Variants in NPSR1 observed in about 807,000 individuals in gnomAD.
The protein encoded by NPSR1 is neuropeptide S receptor 1, also known as neuropeptide S receptor.
A neutral mutation model predicts 46.9 loss-of-function variants in NPSR1; 48 were observed. The observed-to-expected ratio is 1.02, with a 90% CI of 0.81 to 1.30. NPSR1 has a LOEUF of 1.30. Ranked by LOEUF, NPSR1 falls within the 50% of genes most tolerant of loss-of-function variation. The pLI is 0.00. For synonymous variants in NPSR1, 176 were observed against 168.1 expected, an observed-to-expected ratio of 1.05 and a Z score of -0.36; for missense variants, 450 against 449.5, an observed-to-expected ratio of 1.00 and a Z score of -0.01.
At chr7:34,746,536 C>T (rs1785210487) in intron 2 of NPSR1, among the ~76,000 whole-genome samples, 1 of 152,144 alleles carries the variant, frequency 6.6e-6, no homozygotes, top group Admixed American at 6.5e-5. Flanking sequence ...AAACATATCC[C>T]TCACAGATAA....
rs1242091145 is a variant in NPSR1 at position 34,698,526 on chromosome 7, C to A, written c.280+13842C>A. 2.0e-5 allele frequency among the ~76,000 whole-genome samples: 3 copies of A among 152,146 alleles called. No homozygotes were observed. In the East Asian group the frequency reaches 5.8e-4, roughly 29 times the overall value. ...AAATCAATTTTTGTCAAACACTGTG[C>A]TGATCAAACAAATCACACATGCAGG... On this transcript the variant is annotated intron_variant, in intron 2 of 8. Transcript: ENST00000360581.
At chr7:34,799,438 A>G (rs1788362981) in intron 3 of NPSR1, among the ~76,000 whole-genome samples, 1 of 151,998 alleles carries the variant, frequency 6.6e-6, no homozygotes, top group African/African-American at 2.4e-5. Flanking sequence ...ACAATTTTCA[A>G]CCCAGAATTT....
chr7:34,871,579 C>G (rs1364026757), intron 8 of NPSR1: 2 of 151,788 alleles, frequency 1.3e-5, no homozygotes, highest in Non-Finnish European at 2.9e-5. Context: ...CTTCCACCAT[C>G]AGCCTGTAAA....
At chr7:34,722,387 T>C (rs1231432240) in intron 2 of NPSR1, among the ~76,000 whole-genome samples, 1 of 152,220 alleles carries the variant, frequency 6.6e-6, no homozygotes, top group African/African-American at 2.4e-5. Context: ...AATATGTCTA[T>C]ATGTGTATAA....
At chr7:34,870,043 G>T (rs1446240044) in intron 8 of NPSR1, among the ~76,000 whole-genome samples, 1 of 151,810 alleles carries the variant, frequency 6.6e-6, no homozygotes, top group African/African-American at 2.4e-5. Context: ...AGTCCAGGCT[G>T]CTCTCTGTGC....
chr7:34,873,819 C>T (rs542548643), intron 8 of NPSR1, among the ~76,000 whole-genome samples: 1 of 151,606 alleles, frequency 6.6e-6, no homozygotes, highest in Non-Finnish European at 1.5e-5. Context: ...AAGCCAGGAA[C>T]AGGCTTCAGA....
chr7:34,847,613 G>A (rs917195572), intron 7 of NPSR1, among the ~76,000 whole-genome samples: 1 of 152,152 alleles, frequency 6.6e-6, no homozygotes, highest in Non-Finnish European at 1.5e-5. Context: ...GAAGACCAAC[G>A]TCCTAGCTCG....
intron 3 of NPSR1, among the ~76,000 whole-genome samples, chr7:34,797,950 A>C (rs908446787): frequency 1.3e-5 from 2 of 152,188 alleles, no homozygotes; most frequent in Non-Finnish European, 2.9e-5. Flanking sequence ...AAAAGTGAAG[A>C]AGAAATAAAG....
chr7:34,752,145 CT>C, intron 2 of NPSR1: 1 of 455,022 alleles, frequency 2.2e-6, no homozygotes, highest in South Asian at 2.2e-5. Context: ...GCTTATATAC[CT>C]TCCAAACTAT....
At chr7:34,685,572 G>A (rs17776082) in intron 2 of NPSR1, among the ~76,000 whole-genome samples, 33,957 of 152,054 alleles carry the variant, frequency 0.22, 4,051 homozygotes, top group South Asian at 0.33. Flanking sequence ...CTTTCAGAAA[G>A]GGCTATTTGG....
intron 2 of NPSR1, among the ~76,000 whole-genome samples, chr7:34,732,619 G>A (rs982681157): frequency 6.6e-6 from 1 of 152,118 alleles, no homozygotes; most frequent in Non-Finnish European, 1.5e-5. Flanking sequence ...GAATTTCCAC[G>A]GTTGCTTTTG....
chr7:34,763,674 T>C (rs1368884652), intron 2 of NPSR1, among the ~76,000 whole-genome samples: 1 of 152,114 alleles, frequency 6.6e-6, no homozygotes, highest in Non-Finnish European at 1.5e-5. Context: ...ATTCTTCAGG[T>C]AGAGGTGTAT....
intron 2 of NPSR1, chr7:34,750,155 C>A (rs1369324231): frequency 1.8e-4 from 47 of 263,528 alleles, no homozygotes; most frequent in South Asian, 3.3e-4. Context: ...AAAAAGGAGA[C>A]AGGCAAATAT....
intron 2 of NPSR1, among the ~76,000 whole-genome samples, chr7:34,715,694 A>C (rs1783527975): frequency 6.6e-6 from 1 of 152,182 alleles, no homozygotes. Context: ...CTGAATACAA[A>C]ATAGCTGTAT....
At position 34,669,525 on chromosome 7, in the gene NPSR1, C is replaced by T. The variant is rs370312471; in HGVS notation, c.147+10966C>T. Among the ~76,000 whole-genome samples, 863 of 150,852 alleles carry T rather than the reference C, an allele frequency of 5.7e-3. 2 individuals are homozygous for T. The highest frequency in any genetic ancestry group is 0.017 in the Middle Eastern group (5 of 292). ...CAGAGGATGCAGTGAGCCAAGATCA[C>T]ACCATTACACTCCAGCCTGGGCGAC... On this transcript the variant is annotated intron_variant, in intron 1 of 8. Transcript: ENST00000360581.
rs540813857 is a variant in NPSR1, at chr7:34,857,920, C to T, written c.1025+9257C>T. Among the ~76,000 whole-genome samples, 121 of 151,178 alleles carry T rather than the reference C, an allele frequency of 8.0e-4. 4 individuals carry two copies. The highest frequency in any genetic ancestry group is 2.8e-3 in the African/African-American group (116 of 40,844). ...AATTAACTTCAGAAAAGAAGTTATCCAAATGGACAAAAAACTATGAAAAGG... is the reference window on the plus strand; with the variant it reads ...AATTAACTTCAGAAAAGAAGTTATCTAAATGGACAAAAAACTATGAAAAGG... On this transcript the variant is annotated intron_variant, in intron 8 of 8. Coordinates refer to the NPSR1 transcript ENST00000359791.
At chr7:34,770,277 T>C (rs35792009) in intron 2 of NPSR1, among the ~76,000 whole-genome samples, 70 of 152,338 alleles carry the variant, frequency 4.6e-4, no homozygotes, top group African/African-American at 1.6e-3. Context: ...AAAATCTTCA[T>C]GACATTCCTA....
chr7:34,681,538 G>A lies in NPSR1; in HGVS notation c.148-3014G>A, dbSNP rs145761593. Among the ~76,000 whole-genome samples, 444 of 152,278 alleles carry A rather than the reference G, an allele frequency of 2.9e-3. 3 individuals carry two copies. Among genetic ancestry groups the A allele is most frequent in the African/African-American group, 0.011 (441 of 41,546 alleles). ...ACAGCAGCAGCGGAAGAGATAGATA[G>A]CACCTCTTTTCCAGCTGGATAGTGT... is the stretch of plus-strand genomic sequence containing the variant. On this transcript the variant is annotated intron_variant, in intron 1 of 8. Coordinates refer to ENST00000360581, the MANE Select transcript of NPSR1 (RefSeq NM_207172.2).
At chr7:34,821,127 C>CTTTT (rs35086136) in intron 4 of NPSR1, among the ~76,000 whole-genome samples, 5 of 94,890 alleles carry the variant, frequency 5.3e-5, no homozygotes, top group Admixed American at 1.1e-4. Flanking sequence ...TTGTGATACA[C>CTTTT]TTTTTTTTTT....
Sources: gnomAD v4.1 joint callset for allele counts (sites outside exome capture counted in the v4.1 genomes callset) on GRCh38, gnomAD v4.1.1 for gene constraint, MANE v1.5 for transcripts, NCBI Gene and HGNC (gene_info 2026-07-23, HGNC 2026-07-21) for gene names.